The following PLCG2 variants were observed in gnomAD, a reference collection of about 807,000 sequenced individuals.
PLCG2 encodes phospholipase C gamma 2, also known as 1-phosphatidylinositol 4,5-bisphosphate phosphodiesterase gamma-2.
A neutral mutation model predicts 175.6 loss-of-function variants in PLCG2; 69 were observed. The observed-to-expected ratio is 0.39, with a 90% CI of 0.32 to 0.48. The LOEUF (loss-of-function observed/expected upper bound fraction) is 0.48, where lower values mean the gene tolerates loss of function less well. Among genes scored for constraint, PLCG2 ranks in the 20% least tolerant of loss-of-function variants. The pLI is 0.91. For synonymous variants in PLCG2, 827 were observed against 624.0 expected (o/e 1.33, Z -4.85); for missense variants, 1,798 against 1,650.9 (o/e 1.09, Z -1.54).
chr16:81,916,920 G>A (rs1909867962), intron 19 of PLCG2, among the ~76,000 whole-genome samples: 3 of 152,174 alleles, frequency 2.0e-5, no homozygotes, highest in African/African-American at 7.2e-5. Context: ...TTACAGGTGT[G>A]AGCCACCACG....
At chr16:81,857,237 G>A (rs1278821374) in intron 3 of PLCG2, among the ~76,000 whole-genome samples, 1 of 152,182 alleles carries the variant, frequency 6.6e-6, no homozygotes, top group African/African-American at 2.4e-5. Context: ...TGGGACCTAA[G>A]TATTGGGGTT....
chr16:81,948,333 A>T (rs1414454079), intron 31 of PLCG2, among the ~76,000 whole-genome samples: 1 of 152,104 alleles, frequency 6.6e-6, no homozygotes, highest in East Asian at 1.9e-4. Context: ...GGGACTGGGG[A>T]AAATAGGAAA....
intron 2 of PLCG2, among the ~76,000 whole-genome samples, chr16:81,834,263 C>A (rs560646080): frequency 3.3e-5 from 5 of 152,276 alleles, no homozygotes; most frequent in African/African-American, 1.2e-4. Flanking sequence ...TAAGGGGGAC[C>A]TGGTTTGTTC....
chr16:81,756,686 C>A (rs184855911), intron 2 of PLCG2, among the ~76,000 whole-genome samples: 2 of 152,272 alleles, frequency 1.3e-5, no homozygotes, highest in African/African-American at 4.8e-5. Flanking sequence ...GCGTGGACTT[C>A]GTGAGGCGGG....
At chr16:81,759,320 G>A (rs1354344396) in intron 2 of PLCG2, among the ~76,000 whole-genome samples, 1 of 152,092 alleles carries the variant, frequency 6.6e-6, no homozygotes, top group African/African-American at 2.4e-5. Context: ...ATTTGAAAAA[G>A]CCAAAAATGT....
At chr16:81,910,856 C>T (rs756846267) in intron 18 of PLCG2, 136 bp downstream of exon 18, 5 of 774,696 alleles carry the variant, frequency 6.5e-6, no homozygotes, top group South Asian at 1.6e-5. Flanking sequence ...CTCAAAATTG[C>T]CGAGGTGGCC....
intron 11 of PLCG2, among the ~76,000 whole-genome samples, chr16:81,892,407 T>A (rs1466235981): frequency 6.6e-6 from 1 of 152,068 alleles, no homozygotes; most frequent in Non-Finnish European, 1.5e-5. Flanking sequence ...GGGTGAGGGG[T>A]GAAGTCCTTG....
intron 2 of PLCG2, among the ~76,000 whole-genome samples, chr16:81,803,663 C>CCTT (rs1883600583): frequency 3.4e-5 from 1 of 29,738 alleles, no homozygotes; most frequent in African/African-American, 1.3e-4. Context: ...CTCCCTCCCT[C>CCTT]CCTTCCTTCC....
intron 26 of PLCG2, chr16:81,935,560 C>G (rs1360737097): frequency 9.1e-6 from 9 of 985,250 alleles, no homozygotes; most frequent in Non-Finnish European, 1.1e-5. Context: ...CCAGACAATA[C>G]TAGACCCCTC....
chr16:81,854,381 T>C (rs917040614), intron 2 of PLCG2, 63 bp from the exon 3 acceptor site: 1 of 1,486,224 alleles, frequency 6.7e-7, no homozygotes, highest in African/African-American at 1.4e-5. Flanking sequence ...TGCAGTTGTG[T>C]GGCTGCATCC....
chr16:81,894,643 T>C (rs4889431), intron 12 of PLCG2, among the ~76,000 whole-genome samples: 87,507 of 152,076 alleles, frequency 0.58, 26,632 homozygotes, highest in East Asian at 0.78. Flanking sequence ...GAGGTCGAGG[T>C]GGGCGGATCA....
At chr16:81,760,023 G>T (rs971402968) in intron 2 of PLCG2, among the ~76,000 whole-genome samples, 4 of 152,230 alleles carry the variant, frequency 2.6e-5, no homozygotes, top group African/African-American at 7.2e-5. Context: ...CTGCTGGGGA[G>T]GCTGAGGCAG....
At chr16:81,851,756 G>T (rs975295581) in intron 2 of PLCG2, among the ~76,000 whole-genome samples, 1 of 152,204 alleles carries the variant, frequency 6.6e-6, no homozygotes, top group African/African-American at 2.4e-5. Context: ...CAAGTGATCT[G>T]CCCGCCTTGG....
chr16:81,913,504 G>C (rs760166805), intron 19 of PLCG2, among the ~76,000 whole-genome samples: 29 of 152,200 alleles, frequency 1.9e-4, no homozygotes, highest in Non-Finnish European at 3.1e-4. Flanking sequence ...TTCAGATGCA[G>C]GCCTGTCCGT....
intron 17 of PLCG2, among the ~76,000 whole-genome samples, chr16:81,909,366 G>C (rs978011095): frequency 5.3e-5 from 8 of 152,124 alleles, no homozygotes; most frequent in African/African-American, 1.9e-4. Context: ...GGAATGGTTA[G>C]GAAAACCTTC....
intron 30 of PLCG2, among the ~76,000 whole-genome samples, chr16:81,940,660 C>A (rs2143739216): frequency 6.6e-6 from 1 of 152,310 alleles, no homozygotes; most frequent in South Asian, 2.1e-4. Flanking sequence ...GGTCATACGA[C>A]CAGCTCTTAA....
At chr16:81,943,106 C>A (rs1296315268) in intron 30 of PLCG2, among the ~76,000 whole-genome samples, 1 of 152,018 alleles carries the variant, frequency 6.6e-6, no homozygotes, top group Non-Finnish European at 1.5e-5. Flanking sequence ...AGTGTAGGGG[C>A]TACCTGATAG....
chr16:81,885,345 G>A (rs1284165526), intron 9 of PLCG2, among the ~76,000 whole-genome samples: 1 of 151,930 alleles, frequency 6.6e-6, no homozygotes, highest in Non-Finnish European at 1.5e-5. Context: ...TGTATCTTTA[G>A]TAGAAACAGG....
At chr16:81,933,101 G>A (rs952699955) in intron 25 of PLCG2, among the ~76,000 whole-genome samples, 1 of 152,254 alleles carries the variant, frequency 6.6e-6, no homozygotes. Flanking sequence ...GCCGCGTGAA[G>A]GTTCCTGAAA....
Sources: allele counts gnomAD v4.1 joint callset (sites outside exome capture counted in the v4.1 genomes callset), GRCh38; gene constraint gnomAD v4.1.1; transcripts MANE v1.5; gene names NCBI Gene and HGNC (gene_info 2026-07-23, HGNC 2026-07-21).